Variants in SPATA3 observed in about 807,000 individuals in gnomAD.
SPATA3 encodes the protein spermatogenesis associated 3, also known as spermatogenesis-associated protein 3.
Under a neutral mutation model 5.7 loss-of-function variants are expected in SPATA3, and 6 were observed. That is an observed-to-expected ratio of 1.06 (90% CI 0.58 to 2.09). SPATA3 has a LOEUF of 2.09. Ranked by LOEUF, SPATA3 falls within the 30% of genes most tolerant of loss-of-function variation. The probability of loss-of-function intolerance (pLI) is 0.00; values close to 1 mark genes in which losing one functional copy is unlikely to be tolerated. For synonymous variants in SPATA3, 44 were observed against 48.4 expected, an observed-to-expected ratio of 0.91 and a Z score of 0.37; for missense variants, 155 against 130.4, an observed-to-expected ratio of 1.19 and a Z score of -0.92.
Position 231,019,048 on chromosome 2 carries a change from G to A in SPATA3, c.*566-672G>A, listed in dbSNP as rs1693007717. ...GTGGCACGATCTCGGCTCACTGCAA[G>A]CTCCGCCTCCCAGGTTCACACCATT... On this transcript the variant is annotated intron_variant, in intron 6 of 8. Coordinates refer to the SPATA3 transcript ENST00000452881. Among the ~76,000 whole-genome samples the A allele has an allele frequency of 2.1e-5, 3 of 143,550 alleles. No individual in the cohort carries two copies. The South Asian group carries it at 6.6e-4, about 31-fold the overall frequency. The allele number at this position is 143,550 out of a possible 152,430, so 94.2% of individuals were successfully genotyped here.
chr2:231,019,159 C>T (rs150768671), intron 6 of SPATA3, among the ~76,000 whole-genome samples: 17,770 of 148,970 alleles, frequency 0.12, 1,702 homozygotes, highest in East Asian at 0.51. Flanking sequence ...TTAGTAGAGA[C>T]GGGGTTTCAC....
chr2:231,001,583 G>T (rs1176325942), intron 2 of SPATA3, among the ~76,000 whole-genome samples: 4 of 152,110 alleles, frequency 2.6e-5, no homozygotes, highest in African/African-American at 4.8e-5. Context: ...TCAAGGAAAG[G>T]TCTGCCTGCC....
chr2:231,019,568 C>T (rs1693028203), intron 6 of SPATA3, among the ~76,000 whole-genome samples: 1 of 151,068 alleles, frequency 6.6e-6, no homozygotes, highest in Non-Finnish European at 1.5e-5. Context: ...TCGTGATTCA[C>T]CCACCTCGGC....
chr2:231,008,458 G>A (rs915748675), downstream of SPATA3, among the ~76,000 whole-genome samples: 1 of 152,194 alleles, frequency 6.6e-6, no homozygotes, highest in Non-Finnish European at 1.5e-5. Flanking sequence ...GGACCCAGCA[G>A]GGCAGCCACT....
chr2:231,005,515 C>T (rs2125110627), downstream of SPATA3, among the ~76,000 whole-genome samples: 2 of 146,108 alleles, frequency 1.4e-5, no homozygotes, highest in Admixed American at 6.8e-5. Flanking sequence ...CCACCACCAC[C>T]ATCACCACCA....
intron 6 of SPATA3, among the ~76,000 whole-genome samples, chr2:231,016,361 C>T (rs1027339238): frequency 1.3e-5 from 2 of 152,154 alleles, no homozygotes; most frequent in East Asian, 3.9e-4. Flanking sequence ...CCACCACCCA[C>T]ACTTCCCCGA....
At chr2:231,005,329 CATCACCAT>C (rs1692550262), downstream of SPATA3, among the ~76,000 whole-genome samples, 1 of 120,064 alleles carries the variant, frequency 8.3e-6, no homozygotes, top group East Asian at 2.8e-4. Context: ...TCATCACCAT[CATCACCAT>C]CACCATCATC....
intron 6 of SPATA3, among the ~76,000 whole-genome samples, chr2:231,015,718 A>G (rs138599244): frequency 6.0e-4 from 91 of 152,368 alleles, no homozygotes; most frequent in African/African-American, 2.1e-3. Flanking sequence ...GGCAATGGAA[A>G]GTGCCTCCTT....
At position 231,002,717 on chromosome 2, in the gene SPATA3, C is replaced by T. The variant is rs369343747; in HGVS notation, c.996C>T (p.Asn332=). ...CAAGAAAACCCTCCAGTCATCGTAA[C>T]GCGTGTCCTCCAAGCCCTCGGAACT... The change falls in exon 3 of 3, where the codon AAC becomes AAT. Residue 332 remains asparagine, a synonymous_variant. Coordinates refer to ENST00000645363, the Ensembl canonical transcript of SPATA3. 1.4e-5 allele frequency: 21 copies of T among 1,530,924 alleles called. No homozygotes were observed. The African/African-American group carries it at 1.7e-4, about 12-fold the overall frequency. The allele number at this position is 1,530,924 out of a possible 1,614,324, so 94.8% of individuals were successfully genotyped here. A position where few individuals can be genotyped will look rare whatever the true frequency, so the allele number is the denominator to read the frequency against.
chr2:231,000,111 G>A (rs949564876), intron 1 of SPATA3, among the ~76,000 whole-genome samples: 1 of 152,180 alleles, frequency 6.6e-6, no homozygotes, highest in Non-Finnish European at 1.5e-5. Flanking sequence ...GGTAGCACCA[G>A]TATAAAACAG....
chr2:231,001,207 G>A lies in SPATA3; in HGVS notation c.962+670G>A, dbSNP rs867577748. 5.3e-5 allele frequency among the ~76,000 whole-genome samples: 8 copies of A among 152,080 alleles called. No homozygotes were observed. The South Asian group carries it at 6.2e-4, about 12-fold the overall frequency. On this transcript the variant is annotated intron_variant, in intron 2 of 2. Transcript: ENST00000645363. ...CAGGAGCAGTGTCATGGCTGCCACC[G>A]CCCTCATAGGAAGACCCCATCCATG...
At chr2:231,013,624 G>A (rs1692850926) in intron 5 of SPATA3, among the ~76,000 whole-genome samples, 1 of 152,070 alleles carries the variant, frequency 6.6e-6, no homozygotes, top group African/African-American at 2.4e-5. Context: ...CCAAGTAGCT[G>A]GGATTACGGG....
At chr2:231,001,746 G>A (rs1188018695) in intron 2 of SPATA3, among the ~76,000 whole-genome samples, 5 of 152,210 alleles carry the variant, frequency 3.3e-5, no homozygotes, top group African/African-American at 1.2e-4. Context: ...AACCAGAACA[G>A]GGAACTTTAC....
chr2:231,006,188 G>C (rs1475789543), downstream of SPATA3, among the ~76,000 whole-genome samples: 3 of 107,806 alleles, frequency 2.8e-5, no homozygotes, highest in Non-Finnish European at 5.3e-5. Flanking sequence ...GAACTCATGA[G>C]ACCCTGTCTC....
intron 1 of SPATA3, among the ~76,000 whole-genome samples, chr2:230,997,002 G>T (rs1692148773): frequency 6.6e-6 from 1 of 152,204 alleles, no homozygotes; most frequent in Non-Finnish European, 1.5e-5. Flanking sequence ...GGATCAGGGA[G>T]ACCATTTAGT....
downstream of SPATA3, chr2:231,004,202 C>T (rs748496807): frequency 6.6e-6 from 1 of 152,238 alleles, no homozygotes; most frequent in Non-Finnish European, 1.5e-5. Context: ...ATAGTAGTTC[C>T]TTAGCTGCTA....
chr2:231,003,668 G>A (rs1057430313), downstream of SPATA3, among the ~76,000 whole-genome samples: 3 of 152,184 alleles, frequency 2.0e-5, no homozygotes, highest in African/African-American at 7.2e-5. Flanking sequence ...CTCCCTTTGG[G>A]CTGAGGGTGC....
chr2:231,014,845 A>G (rs1692886832), intron 6 of SPATA3, among the ~76,000 whole-genome samples: 1 of 152,222 alleles, frequency 6.6e-6, no homozygotes, highest in Non-Finnish European at 1.5e-5. Flanking sequence ...AAGGACCTTC[A>G]GTGGGCTCTT....
chr2:231,002,781 C>T, exon 3 of SPATA3: 2 of 1,509,672 alleles, frequency 1.3e-6, no homozygotes, highest in Non-Finnish European at 1.8e-6. Context: ...CTGCCTACTA[C>T]ATCACTGAAT....
Sources: allele counts gnomAD v4.1 joint callset (sites outside exome capture counted in the v4.1 genomes callset), GRCh38; gene constraint gnomAD v4.1.1; transcripts MANE v1.5; gene names NCBI Gene and HGNC (gene_info 2026-07-23, HGNC 2026-07-21).